Variants in TRPC5 observed in about 807,000 individuals in gnomAD.
TRPC5 encodes the protein transient receptor potential cation channel subfamily C member 5.
In TRPC5, 9 loss-of-function variants were observed where a neutral mutation model predicts 56.5. That is an observed-to-expected ratio of 0.16 (90% CI 0.10 to 0.28). TRPC5 has a LOEUF of 0.28. Ranked by LOEUF, TRPC5 falls within the 10% of genes least tolerant of loss-of-function variation. The pLI, the probability that TRPC5 is intolerant of heterozygous loss-of-function variation, is 1.00. For missense variants in TRPC5, 469 were observed against 748.9 expected, an observed-to-expected ratio of 0.63 and a Z score of 4.36; for synonymous variants, 282 against 278.5, an observed-to-expected ratio of 1.01 and a Z score of -0.13.
chrX:111,786,061 A>G (rs1945960888), intron 7 of TRPC5, among the ~76,000 whole-genome samples: 1 of 111,411 alleles, frequency 9.0e-6, no homozygotes, highest in African/African-American at 3.3e-5. Context: ...GGAAATACAG[A>G]GAACATCACA....
At chrX:111,978,793 A>C (rs184194017) in intron 1 of TRPC5, among the ~76,000 whole-genome samples, 117 of 111,475 alleles carry the variant, frequency 1.0e-3, no homozygotes, top group Admixed American at 8.6e-3. Flanking sequence ...ACCATTAATT[A>C]GTTAATTAGC....
intron 1 of TRPC5, among the ~76,000 whole-genome samples, chrX:112,080,154 T>C (rs747284183): frequency 8.9e-6 from 1 of 111,822 alleles, no homozygotes; most frequent in East Asian, 2.8e-4. Context: ...CTCTCAGCAG[T>C]GAACATTAGA....
At chrX:111,928,830 C>G (rs1017424728) in intron 2 of TRPC5, among the ~76,000 whole-genome samples, 16 of 112,241 alleles carry the variant, frequency 1.4e-4, no homozygotes, top group African/African-American at 4.5e-4. Flanking sequence ...TGCCCCACAT[C>G]TGAAACTTGA....
intron 1 of TRPC5, among the ~76,000 whole-genome samples, chrX:111,975,765 G>A (rs966474430): frequency 8.9e-5 from 10 of 111,868 alleles, no homozygotes; most frequent in Non-Finnish European, 1.7e-4. Context: ...TTAGCCGGGC[G>A]TGGCGGCGTG....
At chrX:112,058,254 G>A (rs1258546946) in intron 1 of TRPC5, among the ~76,000 whole-genome samples, 1 of 112,275 alleles carries the variant, frequency 8.9e-6, no homozygotes, top group Non-Finnish European at 1.9e-5. Flanking sequence ...AGGATGAGAA[G>A]CAAGCCAAAA....
Position 111,917,208 on chromosome X carries a change from T to C in TRPC5, c.379-4396A>G, listed in dbSNP as rs140792407. 5.6e-3 allele frequency among the ~76,000 whole-genome samples: 632 copies of C among 112,191 alleles called. 6 individuals carry two copies. The highest frequency in any genetic ancestry group is 0.019 in the African/African-American group (596 of 30,894). On this transcript the variant is annotated intron_variant, in intron 2 of 10. Transcript: ENST00000262839. ...ACTGTGGCCAGTTTCATGCTACCAA[T>C]ATGACATCCTGGAACATGGAGTTGG...
chrX:111,842,943 A>G (rs779667038), intron 6 of TRPC5, among the ~76,000 whole-genome samples: 19 of 112,701 alleles, frequency 1.7e-4, no homozygotes, highest in African/African-American at 5.5e-4. Flanking sequence ...TCTTAGGCCC[A>G]TGTATGTTGC....
At chrX:111,928,095 A>G (rs898272887) in intron 2 of TRPC5, among the ~76,000 whole-genome samples, 1 of 111,467 alleles carries the variant, frequency 9.0e-6, no homozygotes, top group African/African-American at 3.3e-5. Flanking sequence ...TTAATGTGAC[A>G]CATTTCAAGA....
At chrX:111,869,354 C>T (rs912808786) in intron 3 of TRPC5, among the ~76,000 whole-genome samples, 1 of 111,528 alleles carries the variant, frequency 9.0e-6, no homozygotes, top group Non-Finnish European at 1.9e-5. Context: ...TGTTCTTACC[C>T]AAGGATTACT....
intron 1 of TRPC5, among the ~76,000 whole-genome samples, chrX:112,074,524 C>T (rs1930790178): frequency 9.1e-6 from 1 of 110,463 alleles, no homozygotes; most frequent in African/African-American, 3.3e-5. Flanking sequence ...TCTCCAAATC[C>T]TTTCGTATCT....
In TRPC5 at chrX:111,772,578, G is replaced by A. The variant is rs959027121; in HGVS notation, c.*3735C>T. ...CCTCTCAAGTAGTTGGACTACAGGC[G>A]TGTACCACCATGCCCAGCTAATTTT... On this transcript the variant is annotated 3_prime_UTR_variant, in exon 11 of 11. Coordinates refer to ENST00000262839, the MANE Select transcript of TRPC5 (RefSeq NM_012471.3). 7.2e-5 allele frequency among the ~76,000 whole-genome samples: 8 copies of A among 110,898 alleles called. No individual in the cohort carries two copies. Among genetic ancestry groups the A allele is most frequent in the African/African-American group, 9.8e-5 (3 of 30,469 alleles).
At chrX:111,980,832 A>C (rs1321996759) in intron 1 of TRPC5, among the ~76,000 whole-genome samples, 1 of 106,929 alleles carries the variant, frequency 9.4e-6, no homozygotes, top group Non-Finnish European at 1.9e-5. Flanking sequence ...AAAATCTGCA[A>C]TATATCTATG....
chrX:111,857,912 A>C (rs1923285891), intron 3 of TRPC5, among the ~76,000 whole-genome samples: 1 of 112,542 alleles, frequency 8.9e-6, no homozygotes, highest in Admixed American at 9.4e-5. Flanking sequence ...CTGCTAAGGC[A>C]CAAATGCAGA....
chrX:112,031,938 A>T (rs1456965367), intron 1 of TRPC5, among the ~76,000 whole-genome samples: 1 of 110,043 alleles, frequency 9.1e-6, no homozygotes, highest in Non-Finnish European at 1.9e-5. Flanking sequence ...TCAAAAAACA[A>T]TAAACAGAGC....
At chrX:111,951,069 C>T (rs1212802357) in intron 2 of TRPC5, among the ~76,000 whole-genome samples, 2 of 111,238 alleles carry the variant, frequency 1.8e-5, no homozygotes, top group African/African-American at 3.3e-5. Context: ...TATTATTGCT[C>T]GGGATTTGAG....
chrX:111,867,419 G>A (rs1480729333), intron 3 of TRPC5, among the ~76,000 whole-genome samples: 3 of 111,733 alleles, frequency 2.7e-5, no homozygotes, highest in Admixed American at 9.4e-5. Context: ...AAAAGGCTGC[G>A]GTGAATAATG....
intron 1 of TRPC5, among the ~76,000 whole-genome samples, chrX:111,997,119 T>G (rs763424970): frequency 8.9e-6 from 1 of 111,958 alleles, no homozygotes; most frequent in Non-Finnish European, 1.9e-5. Context: ...TTTGGCATAT[T>G]TTTGCAGTGG....
chrX:111,875,822 A>G (rs760947388), intron 3 of TRPC5, among the ~76,000 whole-genome samples: 1 of 109,864 alleles, frequency 9.1e-6, no homozygotes, highest in Admixed American at 9.8e-5. Context: ...GGTAGCAACC[A>G]TGGCTGTTCA....
Position 111,951,579 on chromosome X carries a change from C to T in TRPC5, c.378+464G>A, listed in dbSNP as rs369641595. On this transcript the variant is annotated intron_variant, in intron 2 of 10. Coordinates refer to ENST00000262839, the MANE Select transcript of TRPC5 (RefSeq NM_012471.3). ...CAGGTACTGGGAAAATATATGAGGC[C>T]TTATTCCATAAGCATCTGCACCATG... Among the ~76,000 whole-genome samples the T allele has an allele frequency of 1.2e-4, 13 of 111,604 alleles. No homozygotes were observed. In the East Asian group the frequency reaches 2.0e-3, roughly 17 times the overall value.
Sources: allele counts gnomAD v4.1 joint callset (sites outside exome capture counted in the v4.1 genomes callset), GRCh38; gene constraint gnomAD v4.1.1; transcripts MANE v1.5; gene names NCBI Gene and HGNC (gene_info 2026-07-23, HGNC 2026-07-21).